GYS2: variants seen among roughly 807,000 people sequenced by gnomAD.
The protein encoded by GYS2 is glycogen synthase 2.
Under a neutral mutation model 85.6 loss-of-function variants are expected in GYS2, and 80 were observed. The observed-to-expected ratio is 0.93, with a 90% CI of 0.78 to 1.13. GYS2 has a LOEUF of 1.13. Ranked by LOEUF, GYS2 falls within the 50% of genes most tolerant of loss-of-function variation. The probability of loss-of-function intolerance (pLI) is 0.00; values close to 1 mark genes in which losing one functional copy is unlikely to be tolerated. For synonymous variants in GYS2, 328 were observed against 300.7 expected, an observed-to-expected ratio of 1.09 and a Z score of -0.94; for missense variants, 881 against 854.9, an observed-to-expected ratio of 1.03 and a Z score of -0.38.
intron 5 of GYS2, among the ~76,000 whole-genome samples, chr12:21,566,469 C>T (rs764534652): frequency 6.6e-6 from 1 of 151,994 alleles, no homozygotes; most frequent in Non-Finnish European, 1.5e-5. Context: ...ATCAGAGCCA[C>T]CACATGATTC....
chr12:21,545,405 G>A (rs1457625230), intron 12 of GYS2, among the ~76,000 whole-genome samples: 2 of 152,198 alleles, frequency 1.3e-5, no homozygotes, highest in Non-Finnish European at 2.9e-5. Flanking sequence ...TCATGCCACT[G>A]CACTCCAGCC....
At chr12:21,569,135 G>C (rs1284291218) in intron 4 of GYS2, 126 bp from the exon 5 acceptor site, 2 of 885,466 alleles carry the variant, frequency 2.3e-6, no homozygotes, top group Non-Finnish European at 3.7e-6. Flanking sequence ...CCACAAAAAA[G>C]TAATAAAAAC....
chr12:21,542,435 T>A, intron 13 of GYS2, 61 bp downstream of exon 13: 2 of 958,100 alleles, frequency 2.1e-6, no homozygotes, highest in Non-Finnish European at 3.4e-6. Flanking sequence ...GTAAAGACCC[T>A]GTGCTTTGTT....
chr12:21,555,153 C>T (rs1212012885), intron 11 of GYS2, among the ~76,000 whole-genome samples: 2 of 152,158 alleles, frequency 1.3e-5, no homozygotes, highest in African/African-American at 4.8e-5. Context: ...ACTTTCCCTG[C>T]CTCTACTATT....
At chr12:21,572,881 C>T (rs2136900947) in intron 4 of GYS2, among the ~76,000 whole-genome samples, 1 of 152,270 alleles carries the variant, frequency 6.6e-6, no homozygotes, top group African/African-American at 2.4e-5. Flanking sequence ...AATATTTTCT[C>T]CTTCACTGAA....
intron 13 of GYS2, among the ~76,000 whole-genome samples, chr12:21,541,268 C>CAAA (rs3832848): frequency 0.22 from 10,314 of 46,080 alleles, 2,818 homozygotes; most frequent in South Asian, 0.4. Flanking sequence ...ACCATGTTTC[C>CAAA]AAAAAAAAAA....
intron 5 of GYS2, among the ~76,000 whole-genome samples, chr12:21,566,559 C>T (rs1261739071): frequency 3.3e-5 from 5 of 152,188 alleles, no homozygotes; most frequent in South Asian, 2.1e-4. Context: ...CTTGTGGGCA[C>T]TCAGTAATAG....
At chr12:21,562,808 T>C in intron 7 of GYS2, 110 bp downstream of exon 7, 1 of 1,176,390 alleles carries the variant, frequency 8.5e-7, no homozygotes. Context: ...TAGAATACGA[T>C]TATCGTTTAT....
chr12:21,559,735 AT>A, intron 8 of GYS2, 25 bp from the exon 9 acceptor site: 1 of 1,430,524 alleles, frequency 7.0e-7, no homozygotes, highest in Non-Finnish European at 9.9e-7. Context: ...AAGATTTATC[AT>A]TTAAACAGTA....
intron 11 of GYS2, among the ~76,000 whole-genome samples, chr12:21,557,506 T>G (rs1944194608): frequency 1.3e-5 from 2 of 152,248 alleles, no homozygotes; most frequent in Non-Finnish European, 2.9e-5. Flanking sequence ...TATTATCCCC[T>G]TAAGTTGAAC....
Position 21,563,246 on chromosome 12 carries a change from A to G in GYS2, c.923T>C (p.Val308Ala), listed in dbSNP as rs755437317. ...ATCATACCCATAGAAATGACCTCGAACAAAATCTTGGATTCTGGCCTTGTA... is the reference window on the plus strand; with the variant it reads ...ATCATACCCATAGAAATGACCTCGAGCAAAATCTTGGATTCTGGCCTTGTA... ...AMYKARIQDF[V>A]RGHFYGHLDF... Residue 308 changes from valine (V) to alanine (A), a missense_variant, in exon 6 of 16, where the codon GTT becomes GCT. By Grantham distance (64) the Val-to-Ala change is moderately conservative (BLOSUM62 0). Transcript: ENST00000261195. 1.9e-6 allele frequency: 3 copies of G among 1,604,122 alleles called. No individual in the cohort carries two copies. The highest frequency in any genetic ancestry group is 2.6e-6 in the Non-Finnish European group (3 of 1,170,976).
intron 11 of GYS2, among the ~76,000 whole-genome samples, chr12:21,547,323 G>A (rs1463046390): frequency 6.6e-6 from 1 of 152,140 alleles, no homozygotes; most frequent in East Asian, 1.9e-4. Flanking sequence ...ACATGTAGAT[G>A]TTTATAACAA....
Position 21,536,867 on chromosome 12 carries a change from GA to G in GYS2, c.*86del. On this transcript the variant is annotated 3_prime_UTR_variant, in exon 16 of 16. Coordinates refer to ENST00000261195, the MANE Select transcript of GYS2 (RefSeq NM_021957.4). ...AACTCCATTGTAATACTTAGAAGGAGAAAATGAAATTTGTGGCATTTTTATT... is the reference window on the plus strand; with the variant it reads ...AACTCCATTGTAATACTTAGAAGGAGAAATGAAATTTGTGGCATTTTTATT... 4.4e-6 allele frequency: 4 copies of G among 905,020 alleles called. No homozygotes were observed. The highest frequency in any genetic ancestry group is 7.2e-6 in the Non-Finnish European group (4 of 553,492). The allele number at this position is 905,020 out of a possible 1,614,324, so 56.1% of individuals were successfully genotyped here.
At chr12:21,561,176 G>A (rs535889327) in intron 7 of GYS2, among the ~76,000 whole-genome samples, 1 of 152,160 alleles carries the variant, frequency 6.6e-6, no homozygotes, top group African/African-American at 2.4e-5. Context: ...TTTTATTAAT[G>A]TCAAAAGAAA....
At chr12:21,547,516 T>C (rs1467439489) in intron 11 of GYS2, among the ~76,000 whole-genome samples, 1 of 152,152 alleles carries the variant, frequency 6.6e-6, no homozygotes, top group African/African-American at 2.4e-5. Context: ...AAGAAGCTCA[T>C]CTGAAAATAC....
chr12:21,571,815 A>G (rs559859842), intron 4 of GYS2, among the ~76,000 whole-genome samples: 57 of 152,198 alleles, frequency 3.7e-4, no homozygotes, highest in African/African-American at 1.3e-3. Flanking sequence ...ACAAAAAATT[A>G]GCTGGCTGTG....
intron 1 of GYS2, among the ~76,000 whole-genome samples, chr12:21,595,335 G>A (rs1274827079): frequency 6.6e-6 from 1 of 152,204 alleles, no homozygotes; most frequent in African/African-American, 2.4e-5. Flanking sequence ...CCCAAATACT[G>A]TGAGTGCCCC....
Position 21,604,755 on chromosome 12 carries a change from C to T in GYS2, c.-163G>A. On this transcript the variant is annotated 5_prime_UTR_variant, in exon 1 of 16. Coordinates refer to ENST00000261195, the MANE Select transcript of GYS2 (RefSeq NM_021957.4). Reference sequence around the variant, plus strand: ...GTAGCATGAAATCTTATGTGCTTCCCACAGAATTCCTGGTGGAAGGAGGAA... The same window carrying T: ...GTAGCATGAAATCTTATGTGCTTCCTACAGAATTCCTGGTGGAAGGAGGAA... The T allele has an allele frequency of 2.8e-6, 4 of 1,434,944 alleles. No homozygotes were observed. Among genetic ancestry groups the T allele is most frequent in the South Asian group, 1.4e-5 (1 of 72,400 alleles). 88.9% of individuals were successfully genotyped at this position (1,434,944 alleles called of 1,614,324 possible). A position where few individuals can be genotyped will look rare whatever the true frequency, so the allele number is the denominator to read the frequency against.
chr12:21,576,190 T>C, intron 2 of GYS2, 133 bp from the exon 3 acceptor site: 1 of 735,042 alleles, frequency 1.4e-6, no homozygotes, highest in Non-Finnish European at 2.4e-6. Flanking sequence ...AAAAGAATAT[T>C]GATAACATAT....
Sources: gnomAD v4.1 joint callset for allele counts (sites outside exome capture counted in the v4.1 genomes callset) on GRCh38, gnomAD v4.1.1 for gene constraint, MANE v1.5 for transcripts, NCBI Gene and HGNC (gene_info 2026-07-23, HGNC 2026-07-21) for gene names.